PCDHA2: variants seen among roughly 807,000 people sequenced by gnomAD.
The protein encoded by PCDHA2 is protocadherin alpha 2, also known as protocadherin alpha-2.
In PCDHA2, 58 loss-of-function variants were observed where a neutral mutation model predicts 66.0. That is an observed-to-expected ratio of 0.88 (90% CI 0.71 to 1.09). The LOEUF is 1.09. Ranked by LOEUF, PCDHA2 falls within the 50% of genes least tolerant of loss-of-function variation. The pLI is 0.00. For synonymous variants in PCDHA2, 634 were observed against 554.0 expected, an observed-to-expected ratio of 1.14 and a Z score of -2.03; for missense variants, 1,267 against 1,242.3, an observed-to-expected ratio of 1.02 and a Z score of -0.30.
intron 1 of PCDHA2, among the ~76,000 whole-genome samples, chr5:140,977,568 G>A (rs547387044): frequency 1.3e-5 from 2 of 152,312 alleles, no homozygotes; most frequent in East Asian, 1.9e-4. Context: ...TAGCAGATTG[G>A]TAGAATAGAG....
At chr5:141,000,513 C>G (rs1258002727) in intron 3 of PCDHA2, among the ~76,000 whole-genome samples, 2 of 143,802 alleles carry the variant, frequency 1.4e-5, no homozygotes, top group African/African-American at 5.2e-5. Context: ...CTGCAACCTC[C>G]TTCTCCAGGG....
intron 1 of PCDHA2, among the ~76,000 whole-genome samples, chr5:140,941,374 T>C (rs1188935172): frequency 6.7e-6 from 1 of 148,216 alleles, no homozygotes; most frequent in African/African-American, 2.5e-5. Flanking sequence ...TGGAGTGTAG[T>C]GACAGGATTT....
intron 1 of PCDHA2, among the ~76,000 whole-genome samples, chr5:140,888,153 G>A (rs2061714988): frequency 6.6e-6 from 1 of 152,056 alleles, no homozygotes; most frequent in African/African-American, 2.4e-5. Context: ...TTGCATGACT[G>A]GTAATCTCTA....
At chr5:140,967,092 C>A (rs782344374) in intron 1 of PCDHA2, 4 of 1,613,156 alleles carry the variant, frequency 2.5e-6, no homozygotes, top group Non-Finnish European at 2.5e-6. Context: ...GATCGGGAGG[C>A]GCTGTGTGAG....
intron 1 of PCDHA2, among the ~76,000 whole-genome samples, chr5:140,896,384 C>T (rs778057567): frequency 2.0e-5 from 3 of 152,172 alleles, no homozygotes; most frequent in Non-Finnish European, 4.4e-5. Flanking sequence ...TCTGCAACCT[C>T]ACCAGCATCT....
chr5:140,816,152 C>T (rs1339858061), intron 1 of PCDHA2: 3 of 152,146 alleles, frequency 2.0e-5, no homozygotes, highest in East Asian at 1.9e-4. Flanking sequence ...GCAGCCTGCT[C>T]GAGGATGTCC....
rs2098416892 is a variant in PCDHA2, at chr5:141,010,305, G to A, written c.*368G>A. ...TGACACTTGCAGGGCAGGCTGAAAA[G>A]TTTTGAGATTGAGCAGCTTGGGAGT... is the stretch of plus-strand genomic sequence containing the variant. On this transcript the variant is annotated 3_prime_UTR_variant, in exon 4 of 4. Coordinates refer to ENST00000526136, the MANE Select transcript of PCDHA2 (RefSeq NM_018905.3). 1 of 1,548,478 alleles carries A rather than the reference G, an allele frequency of 6.5e-7. No individual in the cohort carries two copies. The highest frequency in any genetic ancestry group is 2.4e-5 in the East Asian group (1 of 40,890).
rs782754440 is a variant in PCDHA2, at chr5:140,869,396, A to G, written c.2388+72044A>G. 3.2e-5 allele frequency: 51 copies of G among 1,614,230 alleles called. No homozygotes were observed. The highest frequency in any genetic ancestry group is 1.6e-4 in the Middle Eastern group (1 of 6,062). On this transcript the variant is annotated intron_variant, in intron 1 of 3. Transcript: ENST00000526136. ...ATCGACCGCGAGGAGCTGTGCGGGC[A>G]GAGCGCGGAGTGCAGCATCCACCTG...
intron 3 of PCDHA2, among the ~76,000 whole-genome samples, chr5:140,983,060 A>G (rs1460099092): frequency 6.6e-6 from 1 of 152,120 alleles, no homozygotes; most frequent in Non-Finnish European, 1.5e-5. Flanking sequence ...TATCGGAACC[A>G]AGGCATTGTT....
intron 1 of PCDHA2, among the ~76,000 whole-genome samples, chr5:140,805,814 T>A (rs569949433): frequency 6.6e-6 from 1 of 152,128 alleles, no homozygotes; most frequent in Non-Finnish European, 1.5e-5. Context: ...ATAGAGGCTA[T>A]TGAAACACCA....
intron 1 of PCDHA2, chr5:140,852,361 T>A (rs1235352793): frequency 4.9e-6 from 1 of 205,518 alleles, no homozygotes; most frequent in East Asian, 1.9e-4. Context: ...CACTGCAACG[T>A]CTGCCTCCTG....
chr5:140,801,379 C>A lies in PCDHA2; in HGVS notation c.2388+4027C>A, dbSNP rs7731327. 9.9e-3 allele frequency: 16,021 copies of A among 1,613,474 alleles called. 1,346 individuals carry two copies. In the African/African-American group the frequency reaches 0.19, roughly 19 times the overall value. ...GGGCTGGAGCTGGCGGAGCTGGTGC[C>A]GCGCCTGTTCCGGGTGGCGTCCAAA... On this transcript the variant is annotated intron_variant, in intron 1 of 3. Transcript: ENST00000526136.
chr5:140,874,465 T>C (rs1554167224), intron 1 of PCDHA2, among the ~76,000 whole-genome samples: 1 of 152,184 alleles, frequency 6.6e-6, no homozygotes. Flanking sequence ...TAGGGGAAGA[T>C]TTAGAGAAAA....
intron 1 of PCDHA2, chr5:140,823,973 G>C: frequency 1.9e-6 from 3 of 1,614,090 alleles, no homozygotes; most frequent in South Asian, 2.2e-5. Flanking sequence ...GTGTGCACAC[G>C]GGGCAAGCCC....
chr5:140,982,286 A>C, intron 2 of PCDHA2, 189 bp from the exon 3 acceptor site: 1 of 1,075,236 alleles, frequency 9.3e-7, no homozygotes, highest in Non-Finnish European at 1.3e-6. Flanking sequence ...GCAGGCAATA[A>C]GTAAGTCAGC....
chr5:140,848,892 T>C, intron 1 of PCDHA2: 1 of 1,601,494 alleles, frequency 6.2e-7, no homozygotes, highest in East Asian at 2.2e-5. Context: ...CCCTCCAGTG[T>C]TCCCAGCGAC....
chr5:140,933,677 T>C (rs1024721491), intron 1 of PCDHA2, among the ~76,000 whole-genome samples: 1 of 151,826 alleles, frequency 6.6e-6, no homozygotes, highest in Non-Finnish European at 1.5e-5. Flanking sequence ...CTCTCTCACA[T>C]TTTTTTTCCT....
At chr5:140,997,099 A>G (rs1554255700) in intron 3 of PCDHA2, among the ~76,000 whole-genome samples, 6 of 152,108 alleles carry the variant, frequency 3.9e-5, no homozygotes. Context: ...CAGAGTTCTC[A>G]TGCACTCCTG....
intron 1 of PCDHA2, chr5:140,869,566 G>A (rs782325882): frequency 1.9e-6 from 3 of 1,614,178 alleles, no homozygotes; most frequent in East Asian, 4.5e-5. Flanking sequence ...TTTTCCACTA[G>A]AGGGAGCTTC....
Sources: allele counts gnomAD v4.1 joint callset (sites outside exome capture counted in the v4.1 genomes callset), GRCh38; gene constraint gnomAD v4.1.1; transcripts MANE v1.5; gene names NCBI Gene and HGNC (gene_info 2026-07-23, HGNC 2026-07-21).